Variants in NR6A1 observed in about 807,000 individuals in gnomAD.
The protein encoded by NR6A1 is nuclear receptor subfamily 6 group A member 1, also known as retinoic acid receptor-related testis-associated receptor.
Under a neutral mutation model 59.1 loss-of-function variants are expected in NR6A1, and 7 were observed. That is an observed-to-expected ratio of 0.12 (90% CI 0.07 to 0.22). NR6A1 has a LOEUF of 0.22. Ranked by LOEUF, NR6A1 falls within the 10% of genes least tolerant of loss-of-function variation. The probability of loss-of-function intolerance (pLI) is 1.00; values close to 1 mark genes in which losing one functional copy is unlikely to be tolerated. For synonymous variants in NR6A1, 243 were observed against 236.1 expected (o/e 1.03, Z -0.27); for missense variants, 468 against 611.6 (o/e 0.77, Z 2.48).
At chr9:124,715,668 A>C (rs997895163) in intron 2 of NR6A1, among the ~76,000 whole-genome samples, 1 of 152,216 alleles carries the variant, frequency 6.6e-6, no homozygotes, top group Non-Finnish European at 1.5e-5. Context: ...AAGAAAAAAG[A>C]AAGTTGATAT....
At chr9:124,670,293 G>A (rs749977085) in intron 2 of NR6A1, among the ~76,000 whole-genome samples, 1 of 152,108 alleles carries the variant, frequency 6.6e-6, no homozygotes, top group African/African-American at 2.4e-5. Flanking sequence ...TTGAGAGGCT[G>A]AGGCAGGAGG....
At chr9:124,682,227 C>A (rs1838187787) in intron 2 of NR6A1, among the ~76,000 whole-genome samples, 1 of 152,092 alleles carries the variant, frequency 6.6e-6, no homozygotes, top group Non-Finnish European at 1.5e-5. Context: ...GTCTCGAACT[C>A]CTGACCTCAG....
At chr9:124,682,140 G>A (rs547547690) in intron 2 of NR6A1, among the ~76,000 whole-genome samples, 185 of 151,892 alleles carry the variant, frequency 1.2e-3, no homozygotes, top group East Asian at 4.5e-3. Context: ...GACTACAGGC[G>A]CCCACCACCA....
chr9:124,653,410 G>GT (rs1469009503), intron 2 of NR6A1, among the ~76,000 whole-genome samples: 1 of 151,938 alleles, frequency 6.6e-6, no homozygotes, highest in East Asian at 1.9e-4. Context: ...TTTGTCAGAG[G>GT]TTTGTTTTGT....
chr9:124,570,966 C>A (rs1834422036), intron 2 of NR6A1, among the ~76,000 whole-genome samples: 1 of 152,154 alleles, frequency 6.6e-6, no homozygotes, highest in Non-Finnish European at 1.5e-5. Flanking sequence ...TATTTGAGAG[C>A]CCCTCTATGC....
At chr9:124,637,013 A>C (rs1836628864) in intron 2 of NR6A1, among the ~76,000 whole-genome samples, 1 of 152,176 alleles carries the variant, frequency 6.6e-6, no homozygotes, top group African/African-American at 2.4e-5. Context: ...AAACTAATGT[A>C]CTTACTACAT....
chr9:124,707,203 T>C (rs1839158505), intron 2 of NR6A1, among the ~76,000 whole-genome samples: 1 of 152,174 alleles, frequency 6.6e-6, no homozygotes, highest in Non-Finnish European at 1.5e-5. Context: ...CTTTTTTCTC[T>C]GTTCTTCATA....
At chr9:124,632,533 T>C (rs1836477323) in intron 2 of NR6A1, among the ~76,000 whole-genome samples, 1 of 152,214 alleles carries the variant, frequency 6.6e-6, no homozygotes, top group Admixed American at 6.5e-5. Context: ...TGTAAATTTG[T>C]TTAAGTTCTT....
chr9:124,554,840 C>T (rs1294502520), intron 2 of NR6A1, among the ~76,000 whole-genome samples: 1 of 152,202 alleles, frequency 6.6e-6, no homozygotes, highest in Non-Finnish European at 1.5e-5. Flanking sequence ...GAATCTTTGA[C>T]TCCTCTATCA....
At chr9:124,638,589 T>C (rs767365825) in intron 2 of NR6A1, among the ~76,000 whole-genome samples, 3 of 152,224 alleles carry the variant, frequency 2.0e-5, no homozygotes, top group Admixed American at 1.3e-4. Context: ...AAAATATGCA[T>C]TCAGGCTCTG....
chr9:124,582,865 C>A (rs994042184), intron 2 of NR6A1, among the ~76,000 whole-genome samples: 1 of 152,028 alleles, frequency 6.6e-6, no homozygotes, highest in Non-Finnish European at 1.5e-5. Context: ...AGAACAAGAC[C>A]CCATCTCTCT....
chr9:124,633,327 C>T (rs7852623), intron 2 of NR6A1, among the ~76,000 whole-genome samples: 4 of 147,686 alleles, frequency 2.7e-5, no homozygotes, highest in South Asian at 4.3e-4. Flanking sequence ...GGCGTGAACC[C>T]GGGAGGCGGA....
chr9:124,679,501 G>T (rs1172126632), intron 2 of NR6A1, among the ~76,000 whole-genome samples: 1 of 152,160 alleles, frequency 6.6e-6, no homozygotes, highest in Non-Finnish European at 1.5e-5. Context: ...TCCGTAGGGA[G>T]CCAAAGAGGG....
chr9:124,753,009 G>A (rs1234455900), intron 1 of NR6A1, among the ~76,000 whole-genome samples: 1 of 152,100 alleles, frequency 6.6e-6, no homozygotes, highest in African/African-American at 2.4e-5. Flanking sequence ...GTTCAACTTC[G>A]AACAAATTTC....
rs781524099 is a variant in NR6A1 at position 124,522,774 on chromosome 9, G to C, written c.1374C>G (p.Pro458=). The C allele has an allele frequency of 3.8e-6, 6 of 1,591,134 alleles. No homozygotes were observed. The highest frequency in any genetic ancestry group is 5.1e-6 in the Non-Finnish European group (6 of 1,168,834). ...RYIAGKMVNV[P]LEQLPLLFKV... Reference sequence around the variant, plus strand: ...TAAAGAGGAGGGGCAGCTGCTCCAGGGGCACATTCACCATCTTTCCTGGGA... The same window carrying C: ...TAAAGAGGAGGGGCAGCTGCTCCAGCGGCACATTCACCATCTTTCCTGGGA... The change falls in exon 10 of 10, where the codon CCC becomes CCG. Residue 458 remains proline (P), a synonymous_variant. Coordinates refer to ENST00000487099, the MANE Select transcript of NR6A1 (RefSeq NM_033334.4).
intron 2 of NR6A1, among the ~76,000 whole-genome samples, chr9:124,592,102 CT>C (rs1052669076): frequency 2.0e-5 from 3 of 152,128 alleles, no homozygotes; most frequent in African/African-American, 7.2e-5. Flanking sequence ...CTCTGATATC[CT>C]TTTGTTCTCC....
chr9:124,758,297 G>A (rs543649601), intron 1 of NR6A1, among the ~76,000 whole-genome samples: 2 of 152,184 alleles, frequency 1.3e-5, no homozygotes, highest in East Asian at 1.9e-4. Context: ...CCCCTTTCCT[G>A]CTGGGTTCCC....
chr9:124,530,519 C>G (rs1177858063), intron 7 of NR6A1, among the ~76,000 whole-genome samples: 1 of 152,212 alleles, frequency 6.6e-6, no homozygotes, highest in Non-Finnish European at 1.5e-5. Context: ...CATTCTTCTT[C>G]TAGGTTCCCA....
chr9:124,633,402 CAA>C (rs11337023), intron 2 of NR6A1, among the ~76,000 whole-genome samples: 1,097 of 72,732 alleles, frequency 0.015, 8 homozygotes, highest in African/African-American at 0.049. Context: ...AACTCCGTCT[CAA>C]AAAAAAAAAA....
Sources: allele counts gnomAD v4.1 joint callset (sites outside exome capture counted in the v4.1 genomes callset), GRCh38; gene constraint gnomAD v4.1.1; transcripts MANE v1.5; gene names NCBI Gene and HGNC (gene_info 2026-07-23, HGNC 2026-07-21).